Variants in DDX60L observed in about 807,000 individuals in gnomAD.
The protein encoded by DDX60L is DExD/H-box 60 like.
DDX60L carries 191 observed loss-of-function variants against 211.6 expected under a neutral mutation model. The ratio of observed to expected loss-of-function variants is 0.90; its 90% CI spans 0.80 to 1.02. DDX60L has a LOEUF of 1.02. DDX60L is among the 50% of genes least tolerant of loss of function. The probability of loss-of-function intolerance (pLI) is 0.00; values close to 1 mark genes in which losing one functional copy is unlikely to be tolerated. For synonymous variants in DDX60L, 706 were observed against 694.1 expected, an observed-to-expected ratio of 1.02 and a Z score of -0.27; for missense variants, 2,007 against 1,984.1, an observed-to-expected ratio of 1.01 and a Z score of -0.22.
intron 15 of DDX60L, among the ~76,000 whole-genome samples, chr4:168,422,969 T>TGTGTGTGTGTGTG (rs55786043): frequency 1.5e-5 from 2 of 132,964 alleles, no homozygotes; most frequent in Non-Finnish European, 3.1e-5. Flanking sequence ...GTGGCTAATA[T>TGTGTGTGTGTGTG]TGTGTGTGTG....
chr4:168,448,835 C>A, intron 8 of DDX60L, 56 bp from the exon 9 acceptor site: 2 of 1,502,688 alleles, frequency 1.3e-6, no homozygotes, highest in Non-Finnish European at 1.8e-6. Context: ...ATTTCATACT[C>A]CTGGTTAACC....
intron 30 of DDX60L, among the ~76,000 whole-genome samples, chr4:168,383,002 C>T (rs1048954265): frequency 2.0e-5 from 3 of 152,120 alleles, no homozygotes; most frequent in Non-Finnish European, 4.4e-5. Context: ...GTTGTTATTG[C>T]CATTTTGTAG....
In DDX60L at chr4:168,391,647, A is replaced by G; in HGVS notation, c.3811-3T>C. 7.6e-6 allele frequency: 8 copies of G among 1,056,016 alleles called. No individual in the cohort carries two copies. Among genetic ancestry groups the G allele is most frequent in the South Asian group, 1.9e-5 (1 of 53,590 alleles). 65.4% of individuals were successfully genotyped at this position (1,056,016 alleles called of 1,614,324 possible). On this transcript the variant is annotated splice_polypyrimidine_tract_variant and splice_region_variant and intron_variant, in intron 28 of 37. Transcript: ENST00000682922. ...AGTGTTTCAGTAGCTGTCACTACCT[A>G]GGAAAAAAAAAAAAAAACAGTCAAT...
At chr4:168,389,438 G>A (rs1744428485) in intron 29 of DDX60L, among the ~76,000 whole-genome samples, 1 of 152,058 alleles carries the variant, frequency 6.6e-6, no homozygotes, top group Non-Finnish European at 1.5e-5. Flanking sequence ...ATAGTTCAGG[G>A]GTCTGTATTA....
At chr4:168,455,188 T>C (rs1246072596) in intron 7 of DDX60L, among the ~76,000 whole-genome samples, 1 of 152,202 alleles carries the variant, frequency 6.6e-6, no homozygotes, top group Admixed American at 6.5e-5. Context: ...TTTTTCTTTT[T>C]TTTTCTATTT....
chr4:168,464,665 T>C (rs1362753797), intron 4 of DDX60L, among the ~76,000 whole-genome samples: 1 of 152,092 alleles, frequency 6.6e-6, no homozygotes, highest in Non-Finnish European at 1.5e-5. Context: ...ATTAGCATAT[T>C]GATCACATCA....
intron 35 of DDX60L, among the ~76,000 whole-genome samples, chr4:168,372,664 A>T (rs1741234550): frequency 6.6e-6 from 1 of 151,218 alleles, no homozygotes; most frequent in South Asian, 2.1e-4. Context: ...GAAGTTGAGG[A>T]TGCAGTGAGC....
At chr4:168,390,558 T>C in intron 29 of DDX60L, 2 of 1,197,374 alleles carry the variant, frequency 1.7e-6, no homozygotes, top group African/African-American at 1.6e-5. Context: ...AAGAGGAAAA[T>C]TTCAAGAATA....
In DDX60L at chr4:168,400,813, C is replaced by T. The variant is rs1334829320; in HGVS notation, c.3491+13G>A. On this transcript the variant is annotated intron_variant, in intron 26 of 37. Coordinates refer to ENST00000682922, the MANE Select transcript of DDX60L (RefSeq NM_001012967.3). ...TCAGGGGCCAATTTGTTTAAGTAAA[C>T]ATTAATACTTACATCCTTTTCTGTG... 1.2e-6 allele frequency: 2 copies of T among 1,600,566 alleles called. No individual in the cohort carries two copies. Among genetic ancestry groups the T allele is most frequent in the South Asian group, 1.1e-5 (1 of 88,694 alleles).
At chr4:168,452,469 C>T (rs1755933042) in intron 8 of DDX60L, among the ~76,000 whole-genome samples, 1 of 152,212 alleles carries the variant, frequency 6.6e-6, no homozygotes, top group Non-Finnish European at 1.5e-5. Flanking sequence ...TGAATGGGTA[C>T]CCCATTCTCC....
At chr4:168,379,931 C>A (rs929688868) in intron 30 of DDX60L, 101 bp from the exon 31 acceptor site, 8 of 702,426 alleles carry the variant, frequency 1.1e-5, no homozygotes, top group African/African-American at 1.8e-5. Flanking sequence ...GATAAGGTTA[C>A]CAGATCTTAC....
chr4:168,420,399 A>T lies in DDX60L; in HGVS notation c.2395-19T>A. The T allele has an allele frequency of 6.3e-7, 1 of 1,599,902 alleles. No homozygotes were observed. Among genetic ancestry groups the T allele is most frequent in the Non-Finnish European group, 8.5e-7 (1 of 1,175,254 alleles). On this transcript the variant is annotated intron_variant, in intron 17 of 37. Transcript: ENST00000682922. ...CAAGGGACTGATTGACAAGAAAAAA[A>T]ACCATTAGTCACTTAGTAGAGAAGA...
At chr4:168,368,538 C>T (rs75318170) in intron 36 of DDX60L, among the ~76,000 whole-genome samples, 6 of 152,232 alleles carry the variant, frequency 3.9e-5, no homozygotes, top group Non-Finnish European at 7.3e-5. Context: ...AGAGCCCCCA[C>T]GCAGAATCCT....
At chr4:168,382,666 T>A (rs1382747008) in intron 30 of DDX60L, among the ~76,000 whole-genome samples, 1 of 152,044 alleles carries the variant, frequency 6.6e-6, no homozygotes, top group Non-Finnish European at 1.5e-5. Flanking sequence ...GCTGACAACA[T>A]AACAGAATTT....
intron 10 of DDX60L, among the ~76,000 whole-genome samples, chr4:168,437,691 A>G (rs1753236252): frequency 6.6e-6 from 1 of 152,220 alleles, no homozygotes; most frequent in Non-Finnish European, 1.5e-5. Flanking sequence ...CAATAAGATC[A>G]TGAACAAGAT....
chr4:168,412,686 T>G (rs6820060), intron 22 of DDX60L, among the ~76,000 whole-genome samples: 84,901 of 151,980 alleles, frequency 0.56, 24,069 homozygotes, highest in Middle Eastern at 0.64. Context: ...AAATTGGCAG[T>G]AGCCAGACAA....
Position 168,379,376 on chromosome 4 carries a change from C to T in DDX60L, c.4350G>A (p.Lys1450=), listed in dbSNP as rs765062773. 5.2e-5 allele frequency: 83 copies of T among 1,585,644 alleles called. No homozygotes were observed. The highest frequency in any genetic ancestry group is 6.7e-5 in the Non-Finnish European group (79 of 1,171,322). ...ACCCAAGCTTACCTTTCCAGGCTGG[C>T]TTACAGAGATTATGGAAAAGGCCTC... ...LKRGLFHNLC[K]PAWKGSQQFS... The change falls in exon 32 of 38, where the codon AAG becomes AAA. Residue 1450 remains lysine (K), a synonymous_variant. Transcript: ENST00000682922.
Position 168,373,774 on chromosome 4 carries a change from G to C in DDX60L, c.4668C>G (p.Leu1556=). The C allele has an allele frequency of 3.1e-6, 5 of 1,613,956 alleles. No homozygotes were observed. Among genetic ancestry groups the C allele is most frequent in the Non-Finnish European group, 4.2e-6 (5 of 1,179,906 alleles). Residue 1556 remains leucine (L), a synonymous_variant, in exon 35 of 38, where the codon CTC becomes CTG. Transcript: ENST00000682922. ...TCTTGCAGCTCATCAAGTGAGACAC[G>C]AGTTGGGAGTCTTCACATTCTTTAC... The part of the protein sequence containing the change: ...FTGKECEDSQ[L]VSHLMSCKKG...
chr4:168,400,369 TG>T (rs1433532937), intron 26 of DDX60L, among the ~76,000 whole-genome samples: 1 of 152,192 alleles, frequency 6.6e-6, no homozygotes, highest in Non-Finnish European at 1.5e-5. Context: ...TATATTCCTT[TG>T]GGTAGACGCC....
Sources: gnomAD v4.1 joint callset for allele counts (sites outside exome capture counted in the v4.1 genomes callset) on GRCh38, gnomAD v4.1.1 for gene constraint, MANE v1.5 for transcripts, NCBI Gene and HGNC (gene_info 2026-07-23, HGNC 2026-07-21) for gene names.